Variants in ENOX1 observed in about 807,000 individuals in gnomAD.
The protein encoded by ENOX1 is candidate growth-related and time keeping constitutive hydroquinone (NADH) oxidase.
ENOX1 carries 42 observed loss-of-function variants against 82.5 expected under a neutral mutation model. The observed-to-expected ratio is 0.51, with a 90% CI of 0.40 to 0.66. The LOEUF (loss-of-function observed/expected upper bound fraction) is 0.66, where lower values mean the gene tolerates loss of function less well. Among genes scored for constraint, ENOX1 ranks in the 30% least tolerant of loss-of-function variants. The pLI, the probability that ENOX1 is intolerant of heterozygous loss-of-function variation, is 0.00. For missense variants in ENOX1, 608 were observed against 811.6 expected (o/e 0.75, Z 3.05); for synonymous variants, 271 against 282.2 (o/e 0.96, Z 0.40).
chr13:43,709,290 A>G (rs2087529233), intron 1 of ENOX1, among the ~76,000 whole-genome samples: 1 of 152,270 alleles, frequency 6.6e-6, no homozygotes, highest in South Asian at 2.1e-4. Flanking sequence ...AAGGCTCAAC[A>G]TCATATGGAA....
At chr13:43,314,602 A>G (rs2047377492) in intron 11 of ENOX1, among the ~76,000 whole-genome samples, 1 of 152,266 alleles carries the variant, frequency 6.6e-6, no homozygotes, top group Non-Finnish European at 1.5e-5. Context: ...TCAACAGCAC[A>G]TCACTGTGCT....
chr13:43,452,288 C>A (rs970665866), intron 3 of ENOX1, among the ~76,000 whole-genome samples: 6 of 152,132 alleles, frequency 3.9e-5, no homozygotes, highest in African/African-American at 1.4e-4. Flanking sequence ...CACCCCTTGA[C>A]GGGCCCTGGT....
intron 9 of ENOX1, among the ~76,000 whole-genome samples, chr13:43,330,535 T>C (rs1317006777): frequency 6.6e-6 from 1 of 152,228 alleles, no homozygotes; most frequent in Admixed American, 6.5e-5. Flanking sequence ...CATCAGAAAA[T>C]TTAAATTTAC....
chr13:43,678,488 CA>C (rs1376343007), intron 1 of ENOX1, among the ~76,000 whole-genome samples: 2 of 152,172 alleles, frequency 1.3e-5, no homozygotes, highest in Non-Finnish European at 2.9e-5. Flanking sequence ...ATGATGGATA[CA>C]TACATGAATG....
intron 1 of ENOX1, among the ~76,000 whole-genome samples, chr13:43,702,509 C>T (rs1387300207): frequency 6.6e-6 from 1 of 152,188 alleles, no homozygotes; most frequent in Non-Finnish European, 1.5e-5. Flanking sequence ...TGAATTCCTA[C>T]TCTGTAACTC....
chr13:43,370,164 G>A (rs540521720), intron 5 of ENOX1, among the ~76,000 whole-genome samples: 43 of 152,190 alleles, frequency 2.8e-4, no homozygotes, highest in African/African-American at 9.9e-4. Context: ...TCCAGAGATC[G>A]AGACCAACCT....
chr13:43,580,883 G>A (rs978436253), intron 2 of ENOX1, among the ~76,000 whole-genome samples: 3 of 152,140 alleles, frequency 2.0e-5, no homozygotes, highest in Non-Finnish European at 4.4e-5. Context: ...ATGTTATTTA[G>A]TAAGTCATAT....
chr13:43,329,624 T>G (rs1593970008), intron 9 of ENOX1, among the ~76,000 whole-genome samples: 1 of 152,328 alleles, frequency 6.6e-6, no homozygotes. Flanking sequence ...CCATTTCTTG[T>G]ATTCTTTTTC....
At chr13:43,279,513 A>G (rs2045252297) in intron 12 of ENOX1, among the ~76,000 whole-genome samples, 1 of 152,192 alleles carries the variant, frequency 6.6e-6, no homozygotes, top group Non-Finnish European at 1.5e-5. Flanking sequence ...GAAGGCTCTA[A>G]AATCTATTTT....
At position 43,213,526 on chromosome 13, in the gene ENOX1, T is replaced by C. The variant is rs2041285577; in HGVS notation, c.*464A>G. 8.2e-6 allele frequency: 1 copy of C among 121,836 alleles called. No individual in the cohort carries two copies. 7.5% of individuals were successfully genotyped at this position (121,836 alleles called of 1,614,324 possible). A position where few individuals can be genotyped will look rare whatever the true frequency, so the allele number is the denominator to read the frequency against. On this transcript the variant is annotated 3_prime_UTR_variant, in exon 17 of 17. Coordinates refer to ENST00000690772, the MANE Select transcript of ENOX1 (RefSeq NM_001347969.2). ...CACTGTAAAACTTTTTCTTTTTTCT[T>C]TTTTTCTTTTTCTTTTTCTTTTTTT...
intron 9 of ENOX1, among the ~76,000 whole-genome samples, chr13:43,336,700 A>G (rs1185836401): frequency 6.6e-6 from 1 of 152,258 alleles, no homozygotes; most frequent in Non-Finnish European, 1.5e-5. Context: ...AGATATCCAG[A>G]GACGATAAAG....
At chr13:43,714,730 T>C (rs2087990113) in intron 1 of ENOX1, among the ~76,000 whole-genome samples, 1 of 152,196 alleles carries the variant, frequency 6.6e-6, no homozygotes, top group South Asian at 2.1e-4. Flanking sequence ...GAGACTAGGA[T>C]TGCAACCCCT....
intron 2 of ENOX1, among the ~76,000 whole-genome samples, chr13:43,609,565 A>G (rs2153736540): frequency 6.6e-6 from 1 of 152,334 alleles, no homozygotes; most frequent in East Asian, 1.9e-4. Context: ...AAGAGATAAA[A>G]GTCTAAGATT....
At chr13:43,711,772 G>A (rs1369291906) in intron 1 of ENOX1, among the ~76,000 whole-genome samples, 1 of 151,232 alleles carries the variant, frequency 6.6e-6, no homozygotes, top group Non-Finnish European at 1.5e-5. Flanking sequence ...GGGGTTGTTT[G>A]TTTTTTTCTT....
intron 1 of ENOX1, among the ~76,000 whole-genome samples, chr13:43,717,376 T>C (rs1399283770): frequency 1.3e-5 from 2 of 152,170 alleles, no homozygotes; most frequent in African/African-American, 4.8e-5. Context: ...CCTCTCAGCA[T>C]AACCAAACAT....
At chr13:43,346,627 TATCTC>T (rs1878075285) in intron 8 of ENOX1, among the ~76,000 whole-genome samples, 1 of 152,242 alleles carries the variant, frequency 6.6e-6, no homozygotes. Flanking sequence ...AATGGTTTCT[TATCTC>T]ATTTCATGGA....
At chr13:43,507,327 T>C (rs892677136) in intron 2 of ENOX1, among the ~76,000 whole-genome samples, 1 of 151,910 alleles carries the variant, frequency 6.6e-6, no homozygotes, top group Non-Finnish European at 1.5e-5. Flanking sequence ...AAAGGGCTCA[T>C]CAAGAGGTAA....
chr13:43,538,358 G>A (rs1335288464), intron 2 of ENOX1, among the ~76,000 whole-genome samples: 2 of 151,852 alleles, frequency 1.3e-5, no homozygotes, highest in Non-Finnish European at 2.9e-5. Flanking sequence ...GTAGACTTGG[G>A]GTACACATAT....
intron 2 of ENOX1, among the ~76,000 whole-genome samples, chr13:43,619,078 A>G (rs1353061523): frequency 3.4e-5 from 5 of 147,734 alleles, no homozygotes; most frequent in Non-Finnish European, 7.4e-5. Context: ...TGATTTGTGT[A>G]TATTAATCTT....
Sources: gnomAD v4.1 joint callset for allele counts (sites outside exome capture counted in the v4.1 genomes callset) on GRCh38, gnomAD v4.1.1 for gene constraint, MANE v1.5 for transcripts, NCBI Gene and HGNC (gene_info 2026-07-23, HGNC 2026-07-21) for gene names.